Variants in ANAPC1 observed in about 807,000 individuals in gnomAD.
ANAPC1 encodes anaphase-promoting complex subunit 1.
A neutral mutation model predicts 208.0 loss-of-function variants in ANAPC1; 36 were observed. The observed-to-expected ratio is 0.17, with a 90% CI of 0.13 to 0.23. The LOEUF (loss-of-function observed/expected upper bound fraction) is 0.23. Among genes scored for constraint, ANAPC1 ranks in the 10% least tolerant of loss-of-function variants. ANAPC1 has a pLI of 1.00. For synonymous variants in ANAPC1, 378 were observed against 695.2 expected (o/e 0.54, Z 7.18); for missense variants, 942 against 2,011.6 (o/e 0.47, Z 10.17).
chr2:111,883,589 A>G (rs1683440587), intron 1 of ANAPC1, among the ~76,000 whole-genome samples: 1 of 152,088 alleles, frequency 6.6e-6, no homozygotes. Context: ...AGTCTCCACA[A>G]GAGCTTCCCC....
intron 43 of ANAPC1, 90 bp downstream of exon 43, chr2:111,782,279 G>A (rs1236630758): frequency 1.8e-5 from 27 of 1,504,486 alleles, no homozygotes; most frequent in Non-Finnish European, 2.3e-5. Flanking sequence ...GAAAAAGGAA[G>A]CAGATCCACC....
At chr2:111,882,569 A>T (rs1683360080) in intron 1 of ANAPC1, among the ~76,000 whole-genome samples, 1 of 151,500 alleles carries the variant, frequency 6.6e-6, no homozygotes, top group Non-Finnish European at 1.5e-5. Context: ...GTCTCTACTA[A>T]AAATACAAAA....
intron 46 of ANAPC1, among the ~76,000 whole-genome samples, chr2:111,775,885 A>G (rs1346972777): frequency 2.6e-5 from 4 of 152,302 alleles, no homozygotes; most frequent in Non-Finnish European, 2.9e-5. Flanking sequence ...TTATGAAGCT[A>G]TATGATCTTT....
At chr2:111,791,401 G>A (rs973103536) in intron 38 of ANAPC1, among the ~76,000 whole-genome samples, 8 of 148,900 alleles carry the variant, frequency 5.4e-5, no homozygotes, top group African/African-American at 2.0e-4. Flanking sequence ...GAATACACAC[G>A]TACAACCTAT....
At chr2:111,865,840 C>A (rs1007618389) in intron 7 of ANAPC1, 72 of 191,114 alleles carry the variant, frequency 3.8e-4, no homozygotes, top group African/African-American at 1.6e-3. Context: ...CAAAAAGGGG[C>A]ACAGCCACAT....
At chr2:111,833,079 A>G in intron 20 of ANAPC1, 141 bp downstream of exon 20, 1 of 1,250,658 alleles carries the variant, frequency 8.0e-7, no homozygotes, top group Middle Eastern at 3.0e-4. Flanking sequence ...AGCACTACGA[A>G]CTAAAATCTG....
Position 111,772,440 on chromosome 2 carries a change from C to T in ANAPC1, c.5620G>A (p.Gly1874Arg), listed in dbSNP as rs146337624. 30 of 1,584,870 alleles carry T rather than the reference C, an allele frequency of 1.9e-5. No individual in the cohort carries two copies. Among genetic ancestry groups the T allele is most frequent in the African/African-American group, 4.2e-5 (3 of 71,990 alleles). Residue 1874 changes from glycine (G) to arginine (R), a missense_variant, in exon 47 of 48, where the codon GGG (glycine) becomes AGG (arginine). Transcript: ENST00000341068. ...AGCTGTGATTCCTCCAAGGGCTGCC[C>T]GCTGAGGTAGGCGTGCACACACATA... ...GDMCVHAYLSGQPLEESQLSM... is the reference protein window; with the variant it reads ...GDMCVHAYLSRQPLEESQLSM...
At position 111,863,740 on chromosome 2, in the gene ANAPC1, A is replaced by G. The variant is rs756406332; in HGVS notation, c.987T>C (p.Ser329=). ...FQNYSSIHSQ[S]RSTSSPSLHS... is the part of the protein sequence containing the mutation. The stretch of plus-strand genomic sequence containing the variant: ...GTAGACTGGGTGATGAGGTTGAGCG[A>G]CTCTGGCTGTGAATGGAGGAGTAAT... Residue 329 remains serine, a synonymous_variant, in exon 9 of 48, where the codon AGT becomes AGC. Transcript: ENST00000341068. 2.5e-6 allele frequency: 4 copies of G among 1,613,650 alleles called. No individual in the cohort carries two copies. In the African/African-American group the frequency reaches 5.3e-5, roughly 22 times the overall value.
chr2:111,843,820 C>CCTTTTT (rs770441848), intron 16 of ANAPC1, among the ~76,000 whole-genome samples: 2 of 86,818 alleles, frequency 2.3e-5, no homozygotes, highest in African/African-American at 9.3e-5. Flanking sequence ...CTGAAGACAG[C>CCTTTTT]TTTTTTTTTT....
At chr2:111,806,608 AATG>A (rs1049956059) in intron 29 of ANAPC1, among the ~76,000 whole-genome samples, 1 of 94,920 alleles carries the variant, frequency 1.1e-5, no homozygotes, top group African/African-American at 4.1e-5. Flanking sequence ...AACATGTTCG[AATG>A]ATGATAATGA....
intron 29 of ANAPC1, among the ~76,000 whole-genome samples, chr2:111,807,752 T>C (rs534921442): frequency 4.6e-5 from 7 of 151,898 alleles, no homozygotes; most frequent in Admixed American, 2.0e-4. Context: ...CATATACATA[T>C]GAATTAAAGA....
At chr2:111,868,489 A>AT (rs1454723242) in intron 6 of ANAPC1, among the ~76,000 whole-genome samples, 1 of 152,144 alleles carries the variant, frequency 6.6e-6, no homozygotes, top group African/African-American at 2.4e-5. Flanking sequence ...AAAGGAATGC[A>AT]TTTTTTAAAA....
intron 2 of ANAPC1, 71 bp downstream of exon 2, chr2:111,880,542 T>C (rs1573530164): frequency 4.0e-6 from 6 of 1,503,538 alleles, no homozygotes; most frequent in South Asian, 1.3e-5. Flanking sequence ...AGTTGCATCT[T>C]AGTAGCCTTA....
intron 1 of ANAPC1, among the ~76,000 whole-genome samples, chr2:111,882,179 G>A (rs1374298292): frequency 6.6e-6 from 1 of 150,528 alleles, no homozygotes; most frequent in Non-Finnish European, 1.5e-5. Flanking sequence ...GCAAGACTCT[G>A]TCTCAAAAAA....
At chr2:111,788,194 TTAA>T (rs1677668570) in intron 39 of ANAPC1, 37 bp downstream of exon 39, 1 of 1,602,030 alleles carries the variant, frequency 6.2e-7, no homozygotes, top group Non-Finnish European at 8.5e-7. Flanking sequence ...CTTAGAGAAC[TTAA>T]TAAGTATCAC....
chr2:111,828,349 T>C (rs1431452622), intron 21 of ANAPC1, among the ~76,000 whole-genome samples: 2 of 152,216 alleles, frequency 1.3e-5, no homozygotes, highest in African/African-American at 4.8e-5. Context: ...GGATGTAAAA[T>C]GGTATAGCCA....
intron 17 of ANAPC1, among the ~76,000 whole-genome samples, chr2:111,841,439 C>A (rs1435603601): frequency 7.9e-6 from 1 of 126,198 alleles, no homozygotes; most frequent in Non-Finnish European, 1.7e-5. Flanking sequence ...GGACAGGCAG[C>A]ACTGAGGTGA....
chr2:111,878,623 T>C (rs1390499143), intron 3 of ANAPC1, among the ~76,000 whole-genome samples, 187 bp downstream of exon 3: 1 of 152,216 alleles, frequency 6.6e-6, no homozygotes, highest in Admixed American at 6.5e-5. Flanking sequence ...AAAGTGATGA[T>C]ATAAAAATAA....
At chr2:111,792,025 C>T (rs1170926601) in intron 38 of ANAPC1, among the ~76,000 whole-genome samples, 2 of 151,708 alleles carry the variant, frequency 1.3e-5, no homozygotes, top group South Asian at 2.1e-4. Context: ...ATCTGGTAAA[C>T]GATTTTGTTT....
Sources: gnomAD v4.1 joint callset for allele counts (sites outside exome capture counted in the v4.1 genomes callset) on GRCh38, gnomAD v4.1.1 for gene constraint, MANE v1.5 for transcripts, NCBI Gene and HGNC (gene_info 2026-07-23, HGNC 2026-07-21) for gene names.